The following DHRS7B variants were observed in gnomAD, a reference collection of about 807,000 sequenced individuals.
The protein encoded by DHRS7B is dehydrogenase/reductase 7B, also known as peroxisomal reductase activating PPAR-gamma.
DHRS7B carries 24 observed loss-of-function variants against 26.4 expected under a neutral mutation model. The ratio of observed to expected loss-of-function variants is 0.91; its 90% confidence interval spans 0.66 to 1.28. DHRS7B has a LOEUF of 1.28. DHRS7B is among the 50% of genes most tolerant of loss of function. DHRS7B has a pLI of 0.00. For missense variants in DHRS7B, 368 were observed against 419.4 expected, an observed-to-expected ratio of 0.88 and a Z score of 1.07; for synonymous variants, 142 against 166.4, an observed-to-expected ratio of 0.85 and a Z score of 1.13.
intron 1 of DHRS7B, among the ~76,000 whole-genome samples, chr17:21,151,619 G>A (rs544381647): frequency 9.2e-5 from 14 of 151,858 alleles, no homozygotes; most frequent in Admixed American, 4.6e-4. Flanking sequence ...AAATCATACC[G>A]CACACAGTTG....
chr17:21,141,619 CAAAAAAAA>C (rs71357469), intron 1 of DHRS7B, among the ~76,000 whole-genome samples: 1 of 14,382 alleles, frequency 7.0e-5, no homozygotes, highest in Non-Finnish European at 1.3e-4. Flanking sequence ...AGCAAGAAAG[CAAAAAAAA>C]AAAAAAAAAA....
chr17:21,189,731 T>C (rs1175888997), intron 6 of DHRS7B, among the ~76,000 whole-genome samples: 1 of 152,252 alleles, frequency 6.6e-6, no homozygotes, highest in Non-Finnish European at 1.5e-5. Flanking sequence ...TACACCTGTT[T>C]ATACCTAGAA....
intron 5 of DHRS7B, among the ~76,000 whole-genome samples, chr17:21,187,447 A>C (rs1165212761): frequency 6.6e-6 from 1 of 151,866 alleles, no homozygotes; most frequent in Non-Finnish European, 1.5e-5. Flanking sequence ...AACATAGTGA[A>C]ACCCCGTCTC....
intron 5 of DHRS7B, among the ~76,000 whole-genome samples, chr17:21,187,094 G>GATATATATATATATATATATAT (rs147554727): frequency 1.2e-3 from 176 of 143,060 alleles, no homozygotes; most frequent in African/African-American, 4.4e-3. Flanking sequence ...TGTATTAAAA[G>GATATATATATATATATATATAT]ATATATATAT....
At chr17:21,129,296 T>C (rs984136060) in intron 1 of DHRS7B, among the ~76,000 whole-genome samples, 1 of 152,048 alleles carries the variant, frequency 6.6e-6, no homozygotes, top group East Asian at 1.9e-4. Context: ...GAAAATAATA[T>C]TTAGCTGAGA....
At chr17:21,130,715 A>T (rs1973211458) in intron 1 of DHRS7B, among the ~76,000 whole-genome samples, 2 of 152,154 alleles carry the variant, frequency 1.3e-5, no homozygotes, top group African/African-American at 2.4e-5. Flanking sequence ...TAAAAAAAAA[A>T]TTTACTTACA....
chr17:21,176,252 T>A (rs1005453288), intron 2 of DHRS7B, among the ~76,000 whole-genome samples: 4 of 152,028 alleles, frequency 2.6e-5, no homozygotes, highest in African/African-American at 7.2e-5. Flanking sequence ...CTTCCCATAA[T>A]GCTGAGATTA....
At chr17:21,134,810 T>A (rs951089703) in intron 1 of DHRS7B, among the ~76,000 whole-genome samples, 1 of 152,172 alleles carries the variant, frequency 6.6e-6, no homozygotes. Context: ...TGTCAGTAGC[T>A]CAAAAGAAAA....
At chr17:21,190,166 TAAA>T (rs77523069) in intron 6 of DHRS7B, among the ~76,000 whole-genome samples, 1 of 142,252 alleles carries the variant, frequency 7.0e-6, no homozygotes. Context: ...ACCCTGTCTT[TAAA>T]AAAAAAAAAA....
intron 3 of DHRS7B, 141 bp from the exon 4 acceptor site, chr17:21,183,453 T>C: frequency 1.5e-6 from 1 of 682,580 alleles, no homozygotes. Flanking sequence ...CTGCTGGTTT[T>C]GGGTTTAGTT....
At chr17:21,163,621 G>C (rs1172051886) in intron 1 of DHRS7B, among the ~76,000 whole-genome samples, 1 of 152,150 alleles carries the variant, frequency 6.6e-6, no homozygotes, top group Non-Finnish European at 1.5e-5. Context: ...CCTCCTTGTA[G>C]CCCTTGCCAC....
At chr17:21,183,848 G>A (rs1974570382) in intron 4 of DHRS7B, 38 bp downstream of exon 4, 5 of 1,561,528 alleles carry the variant, frequency 3.2e-6, no homozygotes, top group Non-Finnish European at 4.4e-6. Context: ...TAAGTGATAT[G>A]TTGGCATTCT....
intron 1 of DHRS7B, among the ~76,000 whole-genome samples, chr17:21,167,777 T>A (rs548211525): frequency 1.3e-5 from 2 of 152,350 alleles, no homozygotes; most frequent in East Asian, 3.9e-4. Context: ...CAATCTTGCC[T>A]TCTCAGTCCA....
intron 1 of DHRS7B, among the ~76,000 whole-genome samples, chr17:21,167,012 TA>T (rs35376768): frequency 6.7e-4 from 100 of 148,720 alleles, no homozygotes; most frequent in African/African-American, 1.6e-3. Context: ...AACAGTTCTT[TA>T]AAAAAAAAAA....
At chr17:21,187,440 A>G (rs1032846269) in intron 5 of DHRS7B, among the ~76,000 whole-genome samples, 3 of 151,990 alleles carry the variant, frequency 2.0e-5, no homozygotes, top group Admixed American at 2.0e-4. Flanking sequence ...CCTGGCTAAC[A>G]TAGTGAAACC....
chr17:21,175,584 G>A (rs952619332), intron 2 of DHRS7B, among the ~76,000 whole-genome samples: 3 of 152,208 alleles, frequency 2.0e-5, no homozygotes, highest in East Asian at 1.9e-4. Context: ...ATCCTGTGCA[G>A]ATCTGCTGGT....
chr17:21,170,788 G>T (rs1464343563), intron 1 of DHRS7B, among the ~76,000 whole-genome samples: 1 of 152,150 alleles, frequency 6.6e-6, no homozygotes, highest in Non-Finnish European at 1.5e-5. Flanking sequence ...ATGGATGTGT[G>T]TTGGGAGTCC....
chr17:21,189,075 A>G (rs1974717603), intron 6 of DHRS7B, among the ~76,000 whole-genome samples: 1 of 152,174 alleles, frequency 6.6e-6, no homozygotes, highest in African/African-American at 2.4e-5. Flanking sequence ...GAACGTCACC[A>G]TTGCAGCATT....
At chr17:21,178,818 T>G (rs1304007944) in intron 3 of DHRS7B, among the ~76,000 whole-genome samples, 1 of 149,866 alleles carries the variant, frequency 6.7e-6, no homozygotes, top group Non-Finnish European at 1.5e-5. Flanking sequence ...ACCACCACAC[T>G]CAGCTGATTT....
Sources: gnomAD v4.1 joint callset for allele counts (sites outside exome capture counted in the v4.1 genomes callset) on GRCh38, gnomAD v4.1.1 for gene constraint, MANE v1.5 for transcripts, NCBI Gene and HGNC (gene_info 2026-07-23, HGNC 2026-07-21) for gene names.